ANKS1B: variants seen among roughly 807,000 people sequenced by gnomAD.
ANKS1B encodes ankyrin repeat and sterile alpha motif domain-containing protein 1B.
Under a neutral mutation model 148.3 loss-of-function variants are expected in ANKS1B, and 36 were observed. The observed-to-expected ratio is 0.24, with a 90% CI of 0.19 to 0.32. The LOEUF (loss-of-function observed/expected upper bound fraction) is 0.32, where lower values mean the gene tolerates loss of function less well. Ranked by LOEUF, ANKS1B falls within the 10% of genes least tolerant of loss-of-function variation. The pLI is 1.00. For missense variants in ANKS1B, 1,157 were observed against 1,542.6 expected, an observed-to-expected ratio of 0.75 and a Z score of 4.19; for synonymous variants, 542 against 560.8, an observed-to-expected ratio of 0.97 and a Z score of 0.47.
chr12:99,257,269 G>A (rs930025235), intron 12 of ANKS1B, among the ~76,000 whole-genome samples: 3 of 151,774 alleles, frequency 2.0e-5, no homozygotes, highest in Non-Finnish European at 2.9e-5. Context: ...ATTTCATCCC[G>A]AGTCTCTGAT....
In ANKS1B at chr12:99,661,884, T is replaced by G. The variant is rs185170873; in HGVS notation, c.1129-6674A>C. On this transcript the variant is annotated intron_variant, in intron 8 of 26. Transcript: ENST00000683438. Reference sequence around the variant, plus strand: ...GAAGTGCTCTTGAAGTGAATAGGTGTGCCCTTCTTCCTCCCCTTCCTCTTC... The same window carrying G: ...GAAGTGCTCTTGAAGTGAATAGGTGGGCCCTTCTTCCTCCCCTTCCTCTTC... Among the ~76,000 whole-genome samples, 5 of 152,268 alleles carry G rather than the reference T, an allele frequency of 3.3e-5. No individual in the cohort carries two copies. In the East Asian group the frequency reaches 7.7e-4, roughly 24 times the overall value.
intron 17 of ANKS1B, among the ~76,000 whole-genome samples, chr12:98,943,432 T>C (rs777888614): frequency 9.9e-5 from 15 of 152,256 alleles, no homozygotes; most frequent in African/African-American, 3.4e-4. Context: ...ATTTATCAGA[T>C]ATTTGCCCAG....
rs543208069 is a variant in ANKS1B, at chr12:99,656,235, T to C, written c.1129-1025A>G. ...CTTACCATATTTGCATTAGACAACA[T>C]GGCAGCACGGTTTATATTCCCAGAT... On this transcript the variant is annotated intron_variant, in intron 8 of 26. Transcript: ENST00000683438. 1.6e-4 allele frequency among the ~76,000 whole-genome samples: 25 copies of C among 152,220 alleles called. No individual in the cohort carries two copies. The South Asian group carries it at 5.2e-3, about 32-fold the overall frequency.
At chr12:98,867,618 T>C (rs746876806) in intron 17 of ANKS1B, among the ~76,000 whole-genome samples, 7 of 152,290 alleles carry the variant, frequency 4.6e-5, no homozygotes, top group East Asian at 1.9e-4. Flanking sequence ...CCCAGCACTT[T>C]GGGAGGCTGA....
At chr12:99,323,805 G>A (rs970388031) in intron 12 of ANKS1B, among the ~76,000 whole-genome samples, 2 of 152,152 alleles carry the variant, frequency 1.3e-5, no homozygotes, top group Admixed American at 1.3e-4. Flanking sequence ...GTAGGTAAGA[G>A]GTAGGAAGGA....
intron 15 of ANKS1B, among the ~76,000 whole-genome samples, chr12:99,135,302 G>T (rs2067641381): frequency 6.6e-6 from 1 of 152,166 alleles, no homozygotes; most frequent in Non-Finnish European, 1.5e-5. Flanking sequence ...TCCAACACCT[G>T]CCTAGGAAGA....
rs2096578903 is a variant in ANKS1B, at chr12:99,493,980, G to A, written c.1438+10496C>T. Reference sequence around the variant, plus strand: ...GAGAAAAAAGTAAAAAGAATAAAGAGGACTGTTTACGAGCCTTGAGGAACT... The same window carrying A: ...GAGAAAAAAGTAAAAAGAATAAAGAAGACTGTTTACGAGCCTTGAGGAACT... On this transcript the variant is annotated intron_variant, in intron 10 of 26. Coordinates refer to ENST00000683438, the MANE Select transcript of ANKS1B (RefSeq NM_001352186.2). Among the ~76,000 whole-genome samples the A allele has an allele frequency of 2.6e-5, 4 of 152,152 alleles. No individual in the cohort carries two copies. In the Middle Eastern group the frequency reaches 0.01, roughly 388 times the overall value.
chr12:99,659,695 T>C (rs913710949), intron 8 of ANKS1B, among the ~76,000 whole-genome samples: 2 of 152,164 alleles, frequency 1.3e-5, no homozygotes, highest in South Asian at 2.1e-4. Flanking sequence ...ATGACAACTA[T>C]ATATAACGGT....
In ANKS1B at chr12:99,812,282, T is replaced by C. The variant is rs2068467439; in HGVS notation, c.245A>G (p.Glu82Gly). ...KDIVLKLLQYEASTNVADNKG... is the reference protein window; with the variant it reads ...KDIVLKLLQYGASTNVADNKG... The stretch of plus-strand genomic sequence containing the variant: ...GTTGTCTGCTACATTTGTTGATGCC[T>C]CATACTGAAGTAGTTTGAGAACTAT... The change falls in exon 3 of 27, where the codon GAG becomes GGG. Residue 82 changes from glutamate to glycine, a missense_variant. Glu to Gly is a moderately conservative substitution (Grantham distance 98). Transcript: ENST00000683438. 1 of 1,611,268 alleles carries C rather than the reference T, an allele frequency of 6.2e-7. No individual in the cohort carries two copies. The highest frequency in any genetic ancestry group is 8.5e-7 in the Non-Finnish European group (1 of 1,178,306).
intron 12 of ANKS1B, among the ~76,000 whole-genome samples, chr12:99,373,124 TCTTA>T (rs760670789): frequency 6.6e-6 from 1 of 152,154 alleles, no homozygotes; most frequent in Non-Finnish European, 1.5e-5. Flanking sequence ...TTTACATATA[TCTTA>T]CTTACCCCTG....
intron 8 of ANKS1B, among the ~76,000 whole-genome samples, chr12:99,684,999 T>A (rs765009250): frequency 7.9e-5 from 12 of 152,090 alleles, no homozygotes; most frequent in Non-Finnish European, 1.5e-4. Flanking sequence ...GGAAAAACCC[T>A]TCCAGAAATT....
intron 1 of ANKS1B, among the ~76,000 whole-genome samples, chr12:99,846,303 G>C (rs2086664303): frequency 1.3e-5 from 2 of 151,388 alleles, no homozygotes; most frequent in Non-Finnish European, 2.9e-5. Flanking sequence ...CTGTTTTCTT[G>C]ATCAAGCGTT....
rs199606517 is a variant in ANKS1B, at chr12:99,626,974, A to AAAT, written c.1272+28090_1272+28092dup. 2.2e-3 allele frequency among the ~76,000 whole-genome samples: 328 copies of AAAT among 152,222 alleles called. 7 individuals carry two copies. The East Asian group carries it at 0.056, about 26-fold the overall frequency. ...CACTGGCCATTCAAAGGATATAATA[A>AAAT]AATAATAGACACCACTTTCCCTTTT... is the stretch of plus-strand genomic sequence containing the variant. On this transcript the variant is annotated intron_variant, in intron 9 of 26. Coordinates refer to ENST00000683438, the MANE Select transcript of ANKS1B (RefSeq NM_001352186.2).
intron 12 of ANKS1B, among the ~76,000 whole-genome samples, chr12:99,362,822 A>T (rs1047354333): frequency 6.6e-6 from 1 of 152,054 alleles, no homozygotes; most frequent in Non-Finnish European, 1.5e-5. Flanking sequence ...TCTAAAAGAT[A>T]CATTTTATCC....
intron 14 of ANKS1B, among the ~76,000 whole-genome samples, chr12:99,218,083 A>G (rs1267142545): frequency 6.6e-6 from 1 of 152,116 alleles, no homozygotes; most frequent in Non-Finnish European, 1.5e-5. Flanking sequence ...ATGTGAGGGG[A>G]CTATCTAGCA....
intron 12 of ANKS1B, among the ~76,000 whole-genome samples, chr12:99,267,797 C>T (rs1050162434): frequency 6.6e-6 from 1 of 152,062 alleles, no homozygotes; most frequent in South Asian, 2.1e-4. Context: ...ACAGGTAGGA[C>T]TTAGATATGC....
intron 9 of ANKS1B, among the ~76,000 whole-genome samples, chr12:99,640,187 C>T (rs559669846): frequency 6.0e-4 from 91 of 152,082 alleles, no homozygotes; most frequent in Non-Finnish European, 1.2e-3. Flanking sequence ...AAATAAATAA[C>T]TTAATTAATT....
chr12:99,279,794 A>G (rs1190545039), intron 12 of ANKS1B, among the ~76,000 whole-genome samples: 2 of 152,072 alleles, frequency 1.3e-5, no homozygotes, highest in Non-Finnish European at 2.9e-5. Context: ...TGGGTGGATC[A>G]CTTGAACCCA....
At chr12:98,812,418 A>G (rs2099104291) in intron 19 of ANKS1B, among the ~76,000 whole-genome samples, 2 of 152,196 alleles carry the variant, frequency 1.3e-5, no homozygotes, top group African/African-American at 2.4e-5. Context: ...GTAAATACAC[A>G]CTATGACGTT....
Sources: allele counts gnomAD v4.1 joint callset (sites outside exome capture counted in the v4.1 genomes callset), GRCh38; gene constraint gnomAD v4.1.1; transcripts MANE v1.5; gene names NCBI Gene and HGNC (gene_info 2026-07-23, HGNC 2026-07-21).